Variants in PLCB1 observed in about 807,000 individuals in gnomAD.
The protein encoded by PLCB1 is phospholipase C beta 1, also known as 1-phosphatidylinositol 4,5-bisphosphate phosphodiesterase beta-1.
PLCB1 carries 46 observed loss-of-function variants against 161.8 expected under a neutral mutation model. The ratio of observed to expected loss-of-function variants is 0.28; its 90% confidence interval spans 0.22 to 0.36. The LOEUF is 0.36. Ranked by LOEUF, PLCB1 falls within the 10% of genes least tolerant of loss-of-function variation. The pLI, the probability that PLCB1 is intolerant of heterozygous loss-of-function variation, is 1.00. For missense variants in PLCB1, 1,016 were observed against 1,472.5 expected (o/e 0.69, Z 5.07); for synonymous variants, 517 against 503.7 (o/e 1.03, Z -0.35).
chr20:8,386,014 C>T (rs1987416216), intron 3 of PLCB1, among the ~76,000 whole-genome samples: 1 of 152,236 alleles, frequency 6.6e-6, no homozygotes, highest in South Asian at 2.1e-4. Context: ...GCAGTCACAC[C>T]TTTAGGTTCT....
At chr20:8,667,627 C>T (rs979627354) in intron 9 of PLCB1, among the ~76,000 whole-genome samples, 15 of 152,200 alleles carry the variant, frequency 9.9e-5, no homozygotes, top group African/African-American at 3.4e-4. Context: ...GCCAGAAAGT[C>T]ACAGCCCTGT....
intron 3 of PLCB1, among the ~76,000 whole-genome samples, chr20:8,574,374 G>A (rs1986610810): frequency 6.6e-6 from 1 of 152,172 alleles, no homozygotes; most frequent in Non-Finnish European, 1.5e-5. Context: ...ACTCCAGCCT[G>A]GGTGACAGAG....
intron 2 of PLCB1, among the ~76,000 whole-genome samples, chr20:8,181,503 G>C (rs1479238116): frequency 6.6e-6 from 1 of 152,134 alleles, no homozygotes; most frequent in Non-Finnish European, 1.5e-5. Context: ...TGACAAAATA[G>C]CTGAAACCAG....
At chr20:8,447,068 G>A (rs552427850) in intron 3 of PLCB1, among the ~76,000 whole-genome samples, 1 of 152,224 alleles carries the variant, frequency 6.6e-6, no homozygotes, top group African/African-American at 2.4e-5. Flanking sequence ...TGAGTGATTT[G>A]CTTTGCAACA....
At chr20:8,392,932 GTAACATATTTGCCACT>G (rs1410491753) in intron 3 of PLCB1, among the ~76,000 whole-genome samples, 1 of 152,112 alleles carries the variant, frequency 6.6e-6, no homozygotes, top group African/African-American at 2.4e-5. Context: ...AATTAAGATA[GTAACATATTTGCCACT>G]TAACAGATAT....
rs371555415 is a variant in PLCB1 at position 8,286,917 on chromosome 20, A to G, written c.178-84465A>G. Among the ~76,000 whole-genome samples the G allele has an allele frequency of 5.3e-5, 8 of 152,272 alleles. No homozygotes were observed. The East Asian group carries it at 1.5e-3, about 29-fold the overall frequency. ...GGGTGAAAATTCTCATACTGTAGAA[A>G]TTATCAGTGGACTTTTGTCTATACT... On this transcript the variant is annotated intron_variant, in intron 2 of 31. Coordinates refer to ENST00000338037, the MANE Select transcript of PLCB1 (RefSeq NM_015192.4).
intron 2 of PLCB1, among the ~76,000 whole-genome samples, chr20:8,299,235 C>T (rs1277480267): frequency 6.6e-6 from 1 of 152,146 alleles, no homozygotes; most frequent in East Asian, 1.9e-4. Context: ...TCTCTCTATC[C>T]ATTATCCTGA....
At chr20:8,652,483 T>TCAC (rs1989347522) in intron 7 of PLCB1, 2 of 152,296 alleles carry the variant, frequency 1.3e-5, no homozygotes, top group East Asian at 3.9e-4. Context: ...ATCTCTGTGA[T>TCAC]AATTTCATTC....
chr20:8,261,052 G>A (rs1288614078), intron 2 of PLCB1, among the ~76,000 whole-genome samples: 1 of 152,078 alleles, frequency 6.6e-6, no homozygotes, highest in Non-Finnish European at 1.5e-5. Flanking sequence ...GGTCTCCAAG[G>A]GATCGGGTGG....
At chr20:8,527,995 AC>A (rs1166088696) in intron 3 of PLCB1, among the ~76,000 whole-genome samples, 1 of 152,108 alleles carries the variant, frequency 6.6e-6, no homozygotes. Context: ...TAGAAAAGCG[AC>A]ACTGAAAACA....
chr20:8,540,208 T>A (rs1985253570), intron 3 of PLCB1, among the ~76,000 whole-genome samples: 1 of 152,188 alleles, frequency 6.6e-6, no homozygotes, highest in Non-Finnish European at 1.5e-5. Flanking sequence ...TATATTGAAG[T>A]TCTCATTTAG....
chr20:8,243,038 G>T (rs1414573224), intron 2 of PLCB1, among the ~76,000 whole-genome samples: 1 of 152,054 alleles, frequency 6.6e-6, no homozygotes, highest in Admixed American at 6.6e-5. Context: ...GCATCGTTAC[G>T]GGCATGCTAT....
intron 3 of PLCB1, among the ~76,000 whole-genome samples, chr20:8,392,123 C>T (rs1297273416): frequency 6.6e-6 from 1 of 151,898 alleles, no homozygotes; most frequent in South Asian, 2.1e-4. Context: ...ATCGCCGATG[C>T]AATAGTATTT....
chr20:8,525,246 T>A (rs573088898), intron 3 of PLCB1, among the ~76,000 whole-genome samples: 3 of 112,586 alleles, frequency 2.7e-5, no homozygotes, highest in African/African-American at 1.3e-4. Context: ...TCTTAACCCA[T>A]ATATATAGCC....
At chr20:8,526,649 T>G (rs914412157) in intron 3 of PLCB1, among the ~76,000 whole-genome samples, 2 of 152,144 alleles carry the variant, frequency 1.3e-5, no homozygotes, top group Non-Finnish European at 2.9e-5. Flanking sequence ...AGTTGTTGAA[T>G]CCATGCTGTT....
intron 2 of PLCB1, among the ~76,000 whole-genome samples, chr20:8,326,997 C>T (rs1230693443): frequency 6.6e-6 from 1 of 152,142 alleles, no homozygotes. Context: ...GCAATTATCC[C>T]ACCTCAGCCT....
intron 31 of PLCB1, among the ~76,000 whole-genome samples, chr20:8,873,831 A>T (rs1457584661): frequency 6.6e-6 from 1 of 151,934 alleles, no homozygotes; most frequent in Non-Finnish European, 1.5e-5. Context: ...CTTACGTTTT[A>T]TTCATGTTTT....
intron 3 of PLCB1, among the ~76,000 whole-genome samples, chr20:8,433,359 G>A (rs977619184): frequency 1.3e-5 from 2 of 152,176 alleles, no homozygotes; most frequent in African/African-American, 4.8e-5. Flanking sequence ...AATTATTAAT[G>A]AGGGGCCTGA....
chr20:8,290,547 G>T (rs140223205), intron 2 of PLCB1, among the ~76,000 whole-genome samples: 46 of 152,276 alleles, frequency 3.0e-4, no homozygotes, highest in African/African-American at 9.9e-4. Context: ...AAGCATTCTG[G>T]ACATAGGCCT....
Sources: allele counts gnomAD v4.1 joint callset (sites outside exome capture counted in the v4.1 genomes callset), GRCh38; gene constraint gnomAD v4.1.1; transcripts MANE v1.5; gene names NCBI Gene and HGNC (gene_info 2026-07-23, HGNC 2026-07-21).